Variants in IQSEC3 observed in about 807,000 individuals in gnomAD.
The protein encoded by IQSEC3 is IQ motif and Sec7 domain ArfGEF 3.
A neutral mutation model predicts 105.4 loss-of-function variants in IQSEC3; 50 were observed. The observed-to-expected ratio is 0.47, with a 90% CI of 0.38 to 0.60. IQSEC3 has a LOEUF of 0.60. Among genes scored for constraint, IQSEC3 ranks in the 20% least tolerant of loss-of-function variants. The probability of loss-of-function intolerance (pLI) is 0.00; values close to 1 mark genes in which losing one functional copy is unlikely to be tolerated. For missense variants in IQSEC3, 1,415 were observed against 1,630.0 expected (o/e 0.87, Z 2.27); for synonymous variants, 708 against 746.0 (o/e 0.95, Z 0.83).
intron 2 of IQSEC3, among the ~76,000 whole-genome samples, chr12:115,825 C>T (rs1325851936): frequency 6.6e-6 from 1 of 152,116 alleles, no homozygotes; most frequent in Admixed American, 6.5e-5. Context: ...CCTTGTTACC[C>T]TCTGGTAAGC....
chr12:147,935 G>A (rs781945438), intron 5 of IQSEC3: 4 of 152,140 alleles, frequency 2.6e-5, no homozygotes, highest in African/African-American at 4.8e-5. Flanking sequence ...AGAATTAGTC[G>A]GTGGGGCAGG....
At chr12:101,223 G>A (rs1023030051) in intron 2 of IQSEC3, among the ~76,000 whole-genome samples, 12 of 152,280 alleles carry the variant, frequency 7.9e-5, no homozygotes, top group Non-Finnish European at 1.8e-4. Flanking sequence ...TGCCTGTGTC[G>A]TGCCCACCTG....
At chr12:165,043 TGC>T (rs1555097767) in intron 9 of IQSEC3, among the ~76,000 whole-genome samples, 1 of 152,182 alleles carries the variant, frequency 6.6e-6, no homozygotes, top group Admixed American at 6.5e-5. Context: ...AATGCAGCCG[TGC>T]AAAAAGCTGC....
chr12:84,284 G>A (rs1197492915), intron 1 of IQSEC3, among the ~76,000 whole-genome samples: 2 of 152,190 alleles, frequency 1.3e-5, no homozygotes, highest in Non-Finnish European at 2.9e-5. Context: ...GACTGGCAGA[G>A]TACCACCCAC....
At chr12:136,063 C>G (rs982244675) in intron 3 of IQSEC3, among the ~76,000 whole-genome samples, 9 of 152,238 alleles carry the variant, frequency 5.9e-5, no homozygotes, top group African/African-American at 2.2e-4. Context: ...TTGAAGACCC[C>G]TCCAATAGGG....
At chr12:106,325 G>A (rs1397872638) in intron 2 of IQSEC3, among the ~76,000 whole-genome samples, 6 of 152,214 alleles carry the variant, frequency 3.9e-5, no homozygotes, top group Admixed American at 1.3e-4. Flanking sequence ...TATGGGAAGC[G>A]AAAGTGAGGC....
At position 138,619 on chromosome 12, in the gene IQSEC3, C is replaced by A; in HGVS notation, c.1256C>A (p.Thr419Lys). The change falls in exon 4 of 14, where the codon ACG becomes AAG. Residue 419 changes from threonine (T) to lysine (K), a missense_variant. Thr to Lys is a moderately conservative substitution (Grantham distance 78). Around this residue, in one of 6 missense-constraint regions of IQSEC3, gnomAD observed 720 missense variants for 633.0 expected, o/e 1.14. Coordinates refer to ENST00000538872, the MANE Select transcript of IQSEC3 (RefSeq NM_001170738.2). This position sits in a 1 kb window ranked among gnomAD's most constrained non-coding sequence, Gnocchi z 7.1. ...AAGTCCATCGACGACGCGCTCAGCA[C>A]GTGGAGCCTCAAGACCATGTGCTCC... is the stretch of plus-strand genomic sequence containing the variant. The part of the protein sequence containing the change: ...LAKSIDDALS[T>K]WSLKTMCSLR... The A allele has an allele frequency of 6.3e-7, 1 of 1,587,834 alleles. No individual in the cohort carries two copies. Among genetic ancestry groups the A allele is most frequent in the Non-Finnish European group, 8.5e-7 (1 of 1,174,686 alleles).
chr12:82,832 T>C (rs2136886698), intron 1 of IQSEC3, among the ~76,000 whole-genome samples: 1 of 152,290 alleles, frequency 6.6e-6, no homozygotes, highest in Middle Eastern at 3.4e-3. Flanking sequence ...CTACTCTCCA[T>C]GGCCACCCCG....
Position 138,256 on chromosome 12 carries a change from C to A in IQSEC3, c.904-11C>A. On this transcript the variant is annotated splice_polypyrimidine_tract_variant and intron_variant, in intron 3 of 13. Coordinates refer to ENST00000538872, the MANE Select transcript of IQSEC3 (RefSeq NM_001170738.2). This position sits in a 1 kb window ranked among gnomAD's most constrained non-coding sequence, Gnocchi z 7.1. ...CTGAGCCCTTCCTCCTCTCTGTCCTCGTCCTTGCAGATTGAAATGCTAGAA... is the reference window on the plus strand; with the variant it reads ...CTGAGCCCTTCCTCCTCTCTGTCCTAGTCCTTGCAGATTGAAATGCTAGAA... 2 of 1,603,080 alleles carry A rather than the reference C, an allele frequency of 1.2e-6. No individual in the cohort carries two copies. The highest frequency in any genetic ancestry group is 1.7e-6 in the Non-Finnish European group (2 of 1,172,792).
intron 2 of IQSEC3, among the ~76,000 whole-genome samples, chr12:121,949 C>T (rs781932974): frequency 6.6e-6 from 1 of 152,182 alleles, no homozygotes; most frequent in African/African-American, 2.4e-5. Context: ...GGGATTCTAA[C>T]CCAGGTCTCC....
chr12:92,326 A>G (rs1591643601), intron 1 of IQSEC3, among the ~76,000 whole-genome samples: 2 of 152,268 alleles, frequency 1.3e-5, no homozygotes, highest in East Asian at 3.9e-4. Context: ...AGGTCCTTCC[A>G]TTGCCAGTTT....
At chr12:92,291 G>A (rs758312925) in intron 1 of IQSEC3, among the ~76,000 whole-genome samples, 20 of 152,350 alleles carry the variant, frequency 1.3e-4, no homozygotes, top group Non-Finnish European at 2.1e-4. Flanking sequence ...CAGAGACCGA[G>A]AATGACGATG....
At chr12:102,264 G>T (rs1245012378) in intron 2 of IQSEC3, among the ~76,000 whole-genome samples, 1 of 152,160 alleles carries the variant, frequency 6.6e-6, no homozygotes, top group African/African-American at 2.4e-5. Context: ...TCAGCCAGTA[G>T]GAATCATGGC....
At chr12:119,661 G>A (rs1865156809) in intron 2 of IQSEC3, among the ~76,000 whole-genome samples, 1 of 152,222 alleles carries the variant, frequency 6.6e-6, no homozygotes, top group Non-Finnish European at 1.5e-5. Flanking sequence ...CACACAGCAT[G>A]GGGCAGAGTC....
chr12:105,471 G>C (rs991063872), intron 2 of IQSEC3, among the ~76,000 whole-genome samples: 3 of 152,214 alleles, frequency 2.0e-5, no homozygotes, highest in Non-Finnish European at 4.4e-5. Flanking sequence ...GCTCCTGGGT[G>C]ATCTGAGGAG....
rs1864441486 is a variant in IQSEC3 at position 102,109 on chromosome 12, ATCAGTCTGGCTCCTCCCCCG to A, written c.623+2915_623+2934del. ...CCCCCATCAGTCTGGCTCCTCCCCC[ATCAGTCTGGCTCCTCCCCCG>A]TCAGTCTGGCTCCTCCCCCATCAGT... On this transcript the variant is annotated intron_variant, in intron 2 of 13. Transcript: ENST00000538872. Among the ~76,000 whole-genome samples, 121 of 55,558 alleles carry A rather than the reference ATCAGTCTGGCTCCTCCCCCG, an allele frequency of 2.2e-3. 1 individual carries two copies. Among genetic ancestry groups the A allele is most frequent in the Admixed American group, 6.0e-3 (33 of 5,492 alleles). The allele number at this position is 55,558 out of a possible 152,430, so 36.4% of individuals were successfully genotyped here.
At chr12:129,011 C>A (rs1216187632) in intron 3 of IQSEC3, among the ~76,000 whole-genome samples, 1 of 152,200 alleles carries the variant, frequency 6.6e-6, no homozygotes, top group African/African-American at 2.4e-5. Context: ...GGCTTTGTTT[C>A]CTCTCCTGGG....
At chr12:82,580 G>A (rs1863782595) in intron 1 of IQSEC3, among the ~76,000 whole-genome samples, 1 of 152,198 alleles carries the variant, frequency 6.6e-6, no homozygotes, top group Non-Finnish European at 1.5e-5. Flanking sequence ...CCTAACTCCT[G>A]TAGGGAAACT....
At chr12:77,370 T>G (rs1447741495) in intron 1 of IQSEC3, 1 of 980,574 alleles carries the variant, frequency 1.0e-6, no homozygotes, top group African/African-American at 1.8e-5. Context: ...GCTATAAGCT[T>G]GAAGGAAGCC....
Sources: gnomAD v4.1 joint callset for allele counts (sites outside exome capture counted in the v4.1 genomes callset) on GRCh38, gnomAD v4.1.1 for gene constraint, gnomAD v4.1.1 regional missense constraint, Gnocchi (gnomAD v3.1) non-coding constraint, MANE v1.5 for transcripts, NCBI Gene and HGNC (gene_info 2026-07-23, HGNC 2026-07-21) for gene names.